BMAL2: variants seen among roughly 807,000 people sequenced by gnomAD.
The protein encoded by BMAL2 is basic helix-loop-helix ARNT like 2.
the BMAL2 span, among the ~76,000 whole-genome samples, chr12:27,351,368 A>G: frequency 2.0e-5 from 3 of 152,176 alleles, no homozygotes; most frequent in Non-Finnish European, 4.4e-5. Context: ...TAAATGCCTT[A>G]ATCATGTCTT....
chr12:27,400,507 T>C, the BMAL2 span: 1 of 1,522,048 alleles, frequency 6.6e-7, no homozygotes. Flanking sequence ...ATGATCCAAA[T>C]GTCCTTTTTA....
the BMAL2 span, among the ~76,000 whole-genome samples, chr12:27,378,724 A>T: frequency 6.6e-6 from 1 of 152,216 alleles, no homozygotes; most frequent in Admixed American, 6.5e-5. Context: ...TTGTTTTACT[A>T]CATAATTTTG....
the BMAL2 span, chr12:27,416,044 C>T: frequency 1.4e-6 from 1 of 729,068 alleles, no homozygotes; most frequent in Non-Finnish European, 2.1e-6. Context: ...GCCATTCTGT[C>T]AAAAAAAAAA....
At chr12:27,378,967 T>C in the BMAL2 span, among the ~76,000 whole-genome samples, 4 of 152,062 alleles carry the variant, frequency 2.6e-5, no homozygotes, top group Non-Finnish European at 5.9e-5. Flanking sequence ...CTGGGTCACG[T>C]TGGAAGAAGA....
At chr12:27,366,104 T>C in the BMAL2 span, among the ~76,000 whole-genome samples, 94 of 152,236 alleles carry the variant, frequency 6.2e-4, no homozygotes, top group African/African-American at 2.1e-3. Flanking sequence ...TACAAAGATA[T>C]AGGGATTTTC....
chr12:27,335,380 A>G, the BMAL2 span, among the ~76,000 whole-genome samples: 5 of 152,274 alleles, frequency 3.3e-5, no homozygotes, highest in African/African-American at 1.2e-4. Context: ...AGTCTTGGGG[A>G]GCAGCACATT....
chr12:27,410,254 C>T, the BMAL2 span, among the ~76,000 whole-genome samples: 2 of 152,146 alleles, frequency 1.3e-5, no homozygotes, highest in African/African-American at 4.8e-5. Flanking sequence ...GGTATATACC[C>T]GAAGGATTAT....
chr12:27,408,905 A>C, the BMAL2 span, among the ~76,000 whole-genome samples: 11 of 152,362 alleles, frequency 7.2e-5, no homozygotes, highest in East Asian at 2.1e-3. Flanking sequence ...GTCTCAGGAT[A>C]CAAAATCAAT....
the BMAL2 span, among the ~76,000 whole-genome samples, chr12:27,391,948 G>A: frequency 6.6e-6 from 1 of 152,174 alleles, no homozygotes; most frequent in Non-Finnish European, 1.5e-5. Flanking sequence ...TAGAGGTGAA[G>A]AGGCTGTGGA....
the BMAL2 span, among the ~76,000 whole-genome samples, chr12:27,420,021 A>ACG: frequency 8.2e-6 from 1 of 121,672 alleles, no homozygotes; most frequent in Non-Finnish European, 1.7e-5. Context: ...TTGCGCGTGC[A>ACG]CACACACACA....
At chr12:27,365,573 G>A in the BMAL2 span, among the ~76,000 whole-genome samples, 1 of 151,736 alleles carries the variant, frequency 6.6e-6, no homozygotes, top group Non-Finnish European at 1.5e-5. Flanking sequence ...GGAATATTCA[G>A]GTTTTTATTT....
the BMAL2 span, among the ~76,000 whole-genome samples, chr12:27,393,242 A>G: frequency 6.6e-6 from 1 of 152,210 alleles, no homozygotes; most frequent in East Asian, 1.9e-4. Flanking sequence ...CACTATCACC[A>G]TTTGAACTCC....
chr12:27,379,019 G>A, the BMAL2 span, among the ~76,000 whole-genome samples: 2 of 151,676 alleles, frequency 1.3e-5, no homozygotes, highest in Non-Finnish European at 2.9e-5. Flanking sequence ...TAACACTAAT[G>A]ATAGCTAGTG....
chr12:27,367,160 A>G, the BMAL2 span, among the ~76,000 whole-genome samples: 2 of 152,212 alleles, frequency 1.3e-5, no homozygotes, highest in Non-Finnish European at 2.9e-5. Flanking sequence ...TTGTGCTTTG[A>G]GGCCACTATT....
chr12:27,351,813 C>T, the BMAL2 span, among the ~76,000 whole-genome samples: 3 of 152,110 alleles, frequency 2.0e-5, no homozygotes, highest in South Asian at 2.1e-4. Flanking sequence ...TTGGGAACGG[C>T]GAGTAACAAT....
the BMAL2 span, among the ~76,000 whole-genome samples, chr12:27,397,306 G>A: frequency 6.6e-6 from 1 of 152,214 alleles, no homozygotes; most frequent in East Asian, 1.9e-4. Context: ...TCCTGACCTT[G>A]TGATCCGCCA....
At chr12:27,387,276 C>A in the BMAL2 span, 1 of 1,612,254 alleles carries the variant, frequency 6.2e-7, no homozygotes, top group South Asian at 1.1e-5. Context: ...AGGAAAAATT[C>A]TCTTCGTTTC....
chr12:27,368,385 G>A, the BMAL2 span: 8 of 1,614,072 alleles, frequency 5.0e-6, no homozygotes, highest in Admixed American at 1.7e-5. Flanking sequence ...CCACGAAAAC[G>A]CAAAGGAAGT....
chr12:27,408,335 A>C, the BMAL2 span, among the ~76,000 whole-genome samples: 1 of 152,234 alleles, frequency 6.6e-6, no homozygotes, highest in South Asian at 2.1e-4. Flanking sequence ...ATGGATACAA[A>C]AATCCTCAAT....
Sources: allele counts gnomAD v4.1 joint callset (sites outside exome capture counted in the v4.1 genomes callset), GRCh38; gene constraint gnomAD v4.1.1; transcripts MANE v1.5; gene names NCBI Gene and HGNC (gene_info 2026-07-23, HGNC 2026-07-21).